Variants in PCDH9 observed in about 807,000 individuals in gnomAD.
The protein encoded by PCDH9 is protocadherin 9.
Under a neutral mutation model 70.6 loss-of-function variants are expected in PCDH9, and 24 were observed. The observed-to-expected ratio is 0.34, with a 90% CI of 0.25 to 0.48. The LOEUF (loss-of-function observed/expected upper bound fraction) is 0.48, where lower values mean the gene tolerates loss of function less well. Among genes scored for constraint, PCDH9 ranks in the 20% least tolerant of loss-of-function variants. The probability of loss-of-function intolerance (pLI) is 0.99; values close to 1 mark genes in which losing one functional copy is unlikely to be tolerated. For missense variants in PCDH9, 1,281 were observed against 1,503.6 expected, an observed-to-expected ratio of 0.85 and a Z score of 2.45; for synonymous variants, 562 against 558.5, an observed-to-expected ratio of 1.01 and a Z score of -0.09.
Position 66,685,879 on chromosome 13 carries a change from A to G in PCDH9, c.3139-54468T>C, listed in dbSNP as rs530970086. On this transcript the variant is annotated intron_variant, in intron 3 of 4. Coordinates refer to ENST00000377865, the MANE Select transcript of PCDH9 (RefSeq NM_203487.3). ...TTTTGGCCAGTTTATCCCATGTGGAAGGGGTATACCAAATGCCTGTGCCTT... is the reference window on the plus strand; with the variant it reads ...TTTTGGCCAGTTTATCCCATGTGGAGGGGGTATACCAAATGCCTGTGCCTT... Among the ~76,000 whole-genome samples, 734 of 152,248 alleles carry G rather than the reference A, an allele frequency of 4.8e-3. 9 individuals are homozygous for G. Among genetic ancestry groups the G allele is most frequent in the African/African-American group, 0.016 (681 of 41,560 alleles).
chr13:66,803,764 G>C (rs75386423), intron 3 of PCDH9, among the ~76,000 whole-genome samples: 1 of 152,154 alleles, frequency 6.6e-6, no homozygotes, highest in Non-Finnish European at 1.5e-5. Context: ...AATTTGACCC[G>C]TGAGAAGGAA....
chr13:66,432,942 C>G (rs913560398), intron 4 of PCDH9, among the ~76,000 whole-genome samples: 6 of 151,856 alleles, frequency 4.0e-5, no homozygotes, highest in Admixed American at 3.9e-4. Flanking sequence ...AAATATGGCT[C>G]AATGCCCTAA....
chr13:66,363,762 C>A (rs935757016), intron 4 of PCDH9, among the ~76,000 whole-genome samples: 1 of 152,146 alleles, frequency 6.6e-6, no homozygotes, highest in African/African-American at 2.4e-5. Context: ...TCAATTCATG[C>A]ATAATGCATT....
chr13:66,333,657 G>GA (rs1053896444), intron 4 of PCDH9, among the ~76,000 whole-genome samples: 1 of 152,056 alleles, frequency 6.6e-6, no homozygotes, highest in African/African-American at 2.4e-5. Flanking sequence ...ACTTCTTTCA[G>GA]AAAAAAGTTT....
At chr13:66,485,011 A>G (rs1958914994) in intron 4 of PCDH9, among the ~76,000 whole-genome samples, 1 of 152,190 alleles carries the variant, frequency 6.6e-6, no homozygotes, top group Non-Finnish European at 1.5e-5. Context: ...TTTGTTATTT[A>G]TGTTTTCACA....
At chr13:66,536,055 T>C (rs1960688643) in intron 4 of PCDH9, among the ~76,000 whole-genome samples, 1 of 152,090 alleles carries the variant, frequency 6.6e-6, no homozygotes. Context: ...CACACGTGTA[T>C]CTGCTCCTCT....
intron 2 of PCDH9, among the ~76,000 whole-genome samples, chr13:67,083,064 G>C (rs2086018141): frequency 6.6e-6 from 1 of 151,988 alleles, no homozygotes; most frequent in African/African-American, 2.4e-5. Flanking sequence ...TAAAGTCCTA[G>C]TTCACCCTGA....
chr13:66,568,920 ATACTAAG>A (rs1436702442), intron 4 of PCDH9, among the ~76,000 whole-genome samples: 4 of 151,754 alleles, frequency 2.6e-5, no homozygotes, highest in African/African-American at 9.7e-5. Flanking sequence ...TGATATGCAA[ATACTAAG>A]TACTATGTAG....
intron 4 of PCDH9, among the ~76,000 whole-genome samples, chr13:66,316,946 C>T (rs193176443): frequency 4.1e-4 from 63 of 152,194 alleles, no homozygotes; most frequent in Admixed American, 2.9e-3. Context: ...TGGCTTTGAC[C>T]TCCTGATCTC....
At chr13:66,490,366 G>A (rs536674137) in intron 4 of PCDH9, among the ~76,000 whole-genome samples, 11 of 152,192 alleles carry the variant, frequency 7.2e-5, no homozygotes, top group East Asian at 3.9e-4. Context: ...CTGTTATACC[G>A]GTCGGCTTCA....
intron 3 of PCDH9, among the ~76,000 whole-genome samples, chr13:66,884,041 T>C (rs184550170): frequency 4.6e-5 from 7 of 151,648 alleles, no homozygotes; most frequent in Non-Finnish European, 8.8e-5. Context: ...TAGCTGGCAC[T>C]ACAGGCACAC....
intron 3 of PCDH9, among the ~76,000 whole-genome samples, chr13:66,702,900 G>A (rs139314877): frequency 3.7e-4 from 57 of 152,226 alleles, no homozygotes; most frequent in African/African-American, 1.3e-3. Context: ...ATTTCACCAC[G>A]ATTATAATGA....
At chr13:67,122,450 G>A (rs1328745131) in intron 2 of PCDH9, among the ~76,000 whole-genome samples, 2 of 151,952 alleles carry the variant, frequency 1.3e-5, no homozygotes, top group East Asian at 3.9e-4. Context: ...AGATGAGAAA[G>A]TTGAGGCTCA....
At chr13:66,427,120 T>G (rs966523304) in intron 4 of PCDH9, among the ~76,000 whole-genome samples, 1 of 151,604 alleles carries the variant, frequency 6.6e-6, no homozygotes, top group Admixed American at 6.6e-5. Flanking sequence ...TGAAACAACA[T>G]TAAATATCAA....
At chr13:67,081,180 A>C (rs571741220) in intron 2 of PCDH9, among the ~76,000 whole-genome samples, 1 of 152,344 alleles carries the variant, frequency 6.6e-6, no homozygotes, top group Non-Finnish European at 1.5e-5. Flanking sequence ...TAAGACAAGG[A>C]TATAGAGAAT....
intron 4 of PCDH9, among the ~76,000 whole-genome samples, chr13:66,344,293 A>AT (rs34358681): frequency 0.024 from 3,686 of 152,022 alleles, 143 homozygotes; most frequent in African/African-American, 0.083. Flanking sequence ...CGCCCAGCTA[A>AT]TTTTTTGTAT....
chr13:66,636,417 C>T (rs565566068), intron 3 of PCDH9, among the ~76,000 whole-genome samples: 2 of 152,136 alleles, frequency 1.3e-5, no homozygotes, highest in African/African-American at 4.8e-5. Context: ...GTTTTTTAAT[C>T]ATCACAATTA....
chr13:67,112,510 T>G lies in PCDH9; in HGVS notation c.3036+112895A>C, dbSNP rs1201270659. Reference sequence around the variant, plus strand: ...AGAGATTATCATTTGCACTGGGTCTTCTGTGCCTAATAGAGCATATTAACT... The same window carrying G: ...AGAGATTATCATTTGCACTGGGTCTGCTGTGCCTAATAGAGCATATTAACT... On this transcript the variant is annotated intron_variant, in intron 2 of 4. Transcript: ENST00000377865. Among the ~76,000 whole-genome samples the G allele has an allele frequency of 2.0e-5, 3 of 152,178 alleles. No homozygotes were observed. The East Asian group carries it at 5.8e-4, about 29-fold the overall frequency.
At chr13:66,554,270 A>G (rs940627024) in intron 4 of PCDH9, among the ~76,000 whole-genome samples, 1 of 152,146 alleles carries the variant, frequency 6.6e-6, no homozygotes, top group East Asian at 1.9e-4. Flanking sequence ...TCTAGTCATT[A>G]AATATACAGC....
Sources: gnomAD v4.1 joint callset for allele counts (sites outside exome capture counted in the v4.1 genomes callset) on GRCh38, gnomAD v4.1.1 for gene constraint, MANE v1.5 for transcripts, NCBI Gene and HGNC (gene_info 2026-07-23, HGNC 2026-07-21) for gene names.